Variants in PDE8B observed in about 807,000 individuals in gnomAD.
PDE8B encodes the protein high affinity cAMP-specific and IBMX-insensitive 3',5'-cyclic phosphodiesterase 8B.
In PDE8B, 26 loss-of-function variants were observed where a neutral mutation model predicts 101.3. The ratio of observed to expected loss-of-function variants is 0.26; its 90% confidence interval spans 0.19 to 0.36. The LOEUF is 0.36. PDE8B is among the 10% of genes least tolerant of loss of function. The pLI, the probability that PDE8B is intolerant of heterozygous loss-of-function variation, is 1.00. For synonymous variants in PDE8B, 424 were observed against 429.3 expected, an observed-to-expected ratio of 0.99 and a Z score of 0.15; for missense variants, 810 against 1,163.1, an observed-to-expected ratio of 0.70 and a Z score of 4.42.
intron 8 of PDE8B, 108 bp from the exon 9 acceptor site, chr5:77,350,957 T>G (rs1780996640): frequency 2.5e-6 from 2 of 807,516 alleles, no homozygotes; most frequent in Admixed American, 2.0e-5. Context: ...CATTGGGAAA[T>G]GTAACGAGAG....
chr5:77,166,618 T>C, the PDE8B span: 1 of 152,174 alleles, frequency 6.6e-6, no homozygotes, highest in East Asian at 1.9e-4. Flanking sequence ...CACTCCCTTG[T>C]GTGTATATGC....
intron 1 of PDE8B, among the ~76,000 whole-genome samples, chr5:77,271,947 G>A (rs1477860086): frequency 6.6e-6 from 1 of 152,212 alleles, no homozygotes; most frequent in Non-Finnish European, 1.5e-5. Flanking sequence ...ACTTCTCAAA[G>A]TGTGGTCCTC....
the PDE8B span, among the ~76,000 whole-genome samples, chr5:77,181,024 A>T: frequency 6.7e-6 from 1 of 150,096 alleles, no homozygotes; most frequent in Admixed American, 6.6e-5. Flanking sequence ...CTCAGTGCCT[A>T]GCTCCAGCGC....
At chr5:77,406,385 A>G (rs1208914728) in intron 12 of PDE8B, among the ~76,000 whole-genome samples, 1 of 152,268 alleles carries the variant, frequency 6.6e-6, no homozygotes, top group African/African-American at 2.4e-5. Context: ...GACAGTAACC[A>G]ATAATATAAA....
chr5:77,281,658 C>A (rs1220678502), intron 1 of PDE8B, among the ~76,000 whole-genome samples: 1 of 152,198 alleles, frequency 6.6e-6, no homozygotes, highest in Non-Finnish European at 1.5e-5. Context: ...GCCCCCCACC[C>A]CAGTAATCCA....
At chr5:77,105,215 G>T in the PDE8B span, 1 of 151,906 alleles carries the variant, frequency 6.6e-6, no homozygotes, top group Non-Finnish European at 1.5e-5. Context: ...TTCTAGTTTT[G>T]GTGTATTTTG....
chr5:77,294,588 C>T (rs1016347067), intron 1 of PDE8B, among the ~76,000 whole-genome samples: 1 of 150,946 alleles, frequency 6.6e-6, no homozygotes, highest in Non-Finnish European at 1.5e-5. Context: ...AAAAAAAACA[C>T]AGGTTACATC....
chr5:77,370,279 C>A (rs1443147564), intron 10 of PDE8B, among the ~76,000 whole-genome samples: 2 of 152,208 alleles, frequency 1.3e-5, no homozygotes, highest in African/African-American at 4.8e-5. Flanking sequence ...ATCACTGCCA[C>A]TCCAGAGAAG....
the PDE8B span, among the ~76,000 whole-genome samples, chr5:77,128,276 T>C: frequency 6.6e-6 from 1 of 152,178 alleles, no homozygotes; most frequent in Admixed American, 6.5e-5. Context: ...ATGGGAATGA[T>C]GAGAAAAACG....
At chr5:77,105,739 T>A in the PDE8B span, 3 of 152,242 alleles carry the variant, frequency 2.0e-5, no homozygotes, top group African/African-American at 7.2e-5. Flanking sequence ...TTTTCCAAAG[T>A]AATAGTAACA....
chr5:77,268,248 G>GTA (rs1210465477), intron 1 of PDE8B, among the ~76,000 whole-genome samples: 1 of 151,664 alleles, frequency 6.6e-6, no homozygotes, highest in Admixed American at 6.6e-5. Context: ...TATATGGTAG[G>GTA]TATATATATA....
chr5:77,322,423 G>A (rs1775267810), intron 2 of PDE8B, among the ~76,000 whole-genome samples: 1 of 152,140 alleles, frequency 6.6e-6, no homozygotes, highest in Non-Finnish European at 1.5e-5. Context: ...GAGTTTCCAT[G>A]TGAAATCCAG....
rs886060761 is a variant in PDE8B at position 77,426,733 on chromosome 5, G to A, written c.*179G>A. 1.9e-5 allele frequency: 12 copies of A among 630,730 alleles called. No homozygotes were observed. The highest frequency in any genetic ancestry group is 3.4e-5 in the Non-Finnish European group (12 of 349,236). 39.1% of individuals were successfully genotyped at this position (630,730 alleles called of 1,614,324 possible). A position where few individuals can be genotyped will look rare whatever the true frequency, so the allele number is the denominator to read the frequency against. ...TCATTCTTAGAAAGTTATGTTCCAT[G>A]AAGAAAAATATATGTTCTTTTGAAT... On this transcript the variant is annotated 3_prime_UTR_variant, in exon 22 of 22. Coordinates refer to ENST00000264917, the MANE Select transcript of PDE8B (RefSeq NM_003719.5).
chr5:77,180,222 G>A, the PDE8B span, among the ~76,000 whole-genome samples: 3 of 152,180 alleles, frequency 2.0e-5, no homozygotes, highest in Admixed American at 6.5e-5. Context: ...TCCACACCCC[G>A]GGAGGGGCGC....
chr5:77,216,723 G>A (rs944238621), intron 1 of PDE8B, among the ~76,000 whole-genome samples: 2 of 152,194 alleles, frequency 1.3e-5, no homozygotes, highest in Non-Finnish European at 2.9e-5. Flanking sequence ...AGTGGACAGG[G>A]AGGGAGCCAA....
At chr5:77,327,176 G>A (rs1415334348) in intron 3 of PDE8B, among the ~76,000 whole-genome samples, 1 of 152,170 alleles carries the variant, frequency 6.6e-6, no homozygotes, top group Non-Finnish European at 1.5e-5. Flanking sequence ...CACGCTCCTG[G>A]CAGATGTGCA....
intron 3 of PDE8B, among the ~76,000 whole-genome samples, chr5:77,327,145 C>G (rs1776192185): frequency 6.6e-6 from 1 of 152,118 alleles, no homozygotes; most frequent in Admixed American, 6.5e-5. Flanking sequence ...GCACACATTC[C>G]CTGGGGAGAT....
chr5:77,393,157 G>A (rs1790294779), intron 10 of PDE8B, among the ~76,000 whole-genome samples: 1 of 152,168 alleles, frequency 6.6e-6, no homozygotes. Flanking sequence ...ACTTTGGGAG[G>A]CTGAAGAGGG....
intron 5 of PDE8B, among the ~76,000 whole-genome samples, chr5:77,334,047 A>G (rs1006288168): frequency 2.0e-5 from 3 of 152,232 alleles, no homozygotes; most frequent in African/African-American, 7.2e-5. Flanking sequence ...TTACTGTGGC[A>G]CACCATCAGC....
Sources: gnomAD v4.1 joint callset for allele counts (sites outside exome capture counted in the v4.1 genomes callset) on GRCh38, gnomAD v4.1.1 for gene constraint, MANE v1.5 for transcripts, NCBI Gene and HGNC (gene_info 2026-07-23, HGNC 2026-07-21) for gene names.